RBKS: variants seen among roughly 807,000 people sequenced by gnomAD.
The protein encoded by RBKS is ribokinase.
Under a neutral mutation model 33.9 loss-of-function variants are expected in RBKS, and 33 were observed. The ratio of observed to expected loss-of-function variants is 0.97; its 90% CI spans 0.74 to 1.30. The LOEUF is 1.30. Among genes scored for constraint, RBKS ranks in the 50% most tolerant of loss-of-function variants. RBKS has a pLI of 0.00. For missense variants in RBKS, 361 were observed against 392.6 expected (o/e 0.92, Z 0.68); for synonymous variants, 125 against 143.0 (o/e 0.87, Z 0.90).
intron 7 of RBKS, among the ~76,000 whole-genome samples, chr2:27,790,932 A>C (rs1677509640): frequency 6.6e-6 from 1 of 152,244 alleles, no homozygotes; most frequent in Non-Finnish European, 1.5e-5. Flanking sequence ...TTTATCCAAA[A>C]GAAATGAAAG....
At chr2:27,806,749 T>C (rs1677903613) in intron 7 of RBKS, among the ~76,000 whole-genome samples, 1 of 152,204 alleles carries the variant, frequency 6.6e-6, no homozygotes, top group African/African-American at 2.4e-5. Flanking sequence ...TGGAGGCACA[T>C]TTCATCTCAG....
intron 7 of RBKS, among the ~76,000 whole-genome samples, chr2:27,791,425 G>C (rs533402904): frequency 1.3e-5 from 2 of 152,162 alleles, no homozygotes; most frequent in East Asian, 3.9e-4. Flanking sequence ...AGGCAGAAGG[G>C]CAAATTCTTT....
chr2:27,813,637 G>T (rs1204473919), intron 7 of RBKS, among the ~76,000 whole-genome samples: 17 of 151,904 alleles, frequency 1.1e-4, no homozygotes, highest in Admixed American at 1.1e-3. Flanking sequence ...AATAGAAAGA[G>T]AAGGTCTACA....
rs181055327 is a variant in RBKS, at chr2:27,804,418, G to A, written c.796-22630C>T. ...GGCCTAGGAACCACTTATCTGCTTT[G>A]TCTCTAGAGATTTGTTAAGTGGGGC... is the stretch of plus-strand genomic sequence containing the variant. On this transcript the variant is annotated intron_variant, in intron 7 of 7. Transcript: ENST00000302188. 2.3e-3 allele frequency among the ~76,000 whole-genome samples: 347 copies of A among 152,242 alleles called. 3 individuals are homozygous for A. The highest frequency in any genetic ancestry group is 8.0e-3 in the African/African-American group (332 of 41,534).
intron 1 of RBKS, among the ~76,000 whole-genome samples, chr2:27,884,369 C>T (rs1664482234): frequency 6.6e-6 from 1 of 152,128 alleles, no homozygotes; most frequent in Non-Finnish European, 1.5e-5. Flanking sequence ...CACCTCAGCC[C>T]CCCAGTAGCT....
chr2:27,802,772 G>T (rs1677824707), intron 7 of RBKS, among the ~76,000 whole-genome samples: 1 of 152,074 alleles, frequency 6.6e-6, no homozygotes, highest in African/African-American at 2.4e-5. Flanking sequence ...GGCCACCAGT[G>T]AGTCCTAGGG....
chr2:27,844,762 C>A (rs1186601798), intron 4 of RBKS, among the ~76,000 whole-genome samples: 1 of 152,088 alleles, frequency 6.6e-6, no homozygotes, highest in African/African-American at 2.4e-5. Flanking sequence ...AATATATGGC[C>A]TAAGTTAAAT....
intron 1 of RBKS, among the ~76,000 whole-genome samples, chr2:27,888,207 T>C (rs562450207): frequency 6.6e-6 from 1 of 151,954 alleles, no homozygotes; most frequent in Non-Finnish European, 1.5e-5. Context: ...AGCTCACTGC[T>C]ACCTCCACCT....
chr2:27,798,329 T>C (rs1677698560), intron 7 of RBKS, among the ~76,000 whole-genome samples: 1 of 152,142 alleles, frequency 6.6e-6, no homozygotes, highest in African/African-American at 2.4e-5. Flanking sequence ...CTCATGTCTC[T>C]TGCAGGCAAC....
intron 1 of RBKS, among the ~76,000 whole-genome samples, chr2:27,876,598 G>A (rs952522942): frequency 1.3e-5 from 2 of 152,104 alleles, no homozygotes; most frequent in Non-Finnish European, 2.9e-5. Context: ...CTTATATAAT[G>A]TACCTAAAGT....
intron 5 of RBKS, among the ~76,000 whole-genome samples, chr2:27,836,051 TAA>T (rs1678513504): frequency 6.6e-6 from 1 of 151,980 alleles, no homozygotes; most frequent in South Asian, 2.1e-4. Flanking sequence ...CCGTCTCTAC[TAA>T]AAATACAAAA....
chr2:27,809,122 C>G (rs531994397), intron 7 of RBKS, among the ~76,000 whole-genome samples: 1 of 152,262 alleles, frequency 6.6e-6, no homozygotes, highest in Admixed American at 6.5e-5. Context: ...TGCCCAGCAG[C>G]CTTATGGTGA....
At chr2:27,834,102 G>A (rs1269860086) in intron 5 of RBKS, among the ~76,000 whole-genome samples, 3 of 152,202 alleles carry the variant, frequency 2.0e-5, no homozygotes, top group Non-Finnish European at 4.4e-5. Context: ...TTCTCCATGA[G>A]GCTCTCACAT....
At chr2:27,870,017 G>A (rs1476906179) in intron 1 of RBKS, 1 of 152,206 alleles carries the variant, frequency 6.6e-6, no homozygotes, top group Admixed American at 6.6e-5. Flanking sequence ...TTTCCAGCAC[G>A]GACAAAGTCG....
intron 7 of RBKS, among the ~76,000 whole-genome samples, chr2:27,786,778 CAAAA>C (rs1158881753): frequency 2.9e-5 from 2 of 68,888 alleles, no homozygotes; most frequent in Non-Finnish European, 2.9e-5. Flanking sequence ...GAGACTGTCT[CAAAA>C]AAAAAAAAAA....
chr2:27,783,885 C>T (rs1488681033), intron 7 of RBKS, among the ~76,000 whole-genome samples: 7 of 119,482 alleles, frequency 5.9e-5, no homozygotes, highest in Non-Finnish European at 9.8e-5. Context: ...CCAGCCTGGG[C>T]GACAGAGCGA....
At chr2:27,856,703 C>T (rs1201863984) in intron 2 of RBKS, among the ~76,000 whole-genome samples, 1 of 152,164 alleles carries the variant, frequency 6.6e-6, no homozygotes, top group East Asian at 1.9e-4. Flanking sequence ...CCCCTCTTCC[C>T]AGCGAAGCCA....
intron 7 of RBKS, among the ~76,000 whole-genome samples, chr2:27,805,937 G>A (rs1269615387): frequency 6.6e-6 from 1 of 151,558 alleles, no homozygotes; most frequent in East Asian, 1.9e-4. Flanking sequence ...TGTTTCCCAG[G>A]CTGGAGTGCA....
intron 1 of RBKS, among the ~76,000 whole-genome samples, chr2:27,888,289 A>T (rs760646819): frequency 2.6e-5 from 4 of 152,014 alleles, no homozygotes; most frequent in South Asian, 4.1e-4. Context: ...TACCATGCCC[A>T]GCTAATTTTT....
Sources: allele counts gnomAD v4.1 joint callset (sites outside exome capture counted in the v4.1 genomes callset), GRCh38; gene constraint gnomAD v4.1.1; transcripts MANE v1.5; gene names NCBI Gene and HGNC (gene_info 2026-07-23, HGNC 2026-07-21).